Variants in PTPRD observed in about 807,000 individuals in gnomAD.
PTPRD encodes the protein protein tyrosine phosphatase receptor type D.
Under a neutral mutation model 214.5 loss-of-function variants are expected in PTPRD, and 34 were observed. The ratio of observed to expected loss-of-function variants is 0.16; its 90% confidence interval spans 0.12 to 0.21. PTPRD has a LOEUF of 0.21. Among genes scored for constraint, PTPRD ranks in the 10% least tolerant of loss-of-function variants. The pLI is 1.00. For missense variants in PTPRD, 2,545 were observed against 2,398.7 expected (o/e 1.06, Z -1.27); for synonymous variants, 1,128 against 845.7 (o/e 1.33, Z -5.79).
intron 33 of PTPRD, 117 bp downstream of exon 33, chr9:8,460,294 A>C: frequency 8.4e-7 from 1 of 1,196,904 alleles, no homozygotes; most frequent in Non-Finnish European, 1.2e-6. Context: ...AAAATAATTG[A>C]AATGGCACTG....
chr9:9,963,326 CAAT>C (rs1385460612), intron 4 of PTPRD, among the ~76,000 whole-genome samples: 1 of 152,100 alleles, frequency 6.6e-6, no homozygotes, highest in Non-Finnish European at 1.5e-5. Flanking sequence ...ATTTGGCACT[CAAT>C]AGATCCCTGT....
chr9:8,765,252 A>C (rs1235379668), intron 11 of PTPRD, among the ~76,000 whole-genome samples: 1 of 152,226 alleles, frequency 6.6e-6, no homozygotes, highest in Non-Finnish European at 1.5e-5. Context: ...TGTGGGCTAG[A>C]CTTAGTGACT....
chr9:10,512,028 ATG>A lies in PTPRD; in HGVS notation c.-600+100368_-600+100369del, dbSNP rs1437633414. On this transcript the variant is annotated intron_variant, in intron 2 of 45. Coordinates refer to ENST00000381196, the MANE Select transcript of PTPRD (RefSeq NM_002839.4). The stretch of plus-strand genomic sequence containing the variant: ...TATATATACGTGTGTGTATATATAT[ATG>A]TATATATATATATACACACACGTAT... Among the ~76,000 whole-genome samples the A allele has an allele frequency of 2.6e-3, 196 of 74,242 alleles. 1 individual carries two copies. Among genetic ancestry groups the A allele is most frequent in the African/African-American group, 0.012 (178 of 14,336 alleles). 48.7% of individuals were successfully genotyped at this position (74,242 alleles called of 152,430 possible). A position where few individuals can be genotyped will look rare whatever the true frequency, so the allele number is the denominator to read the frequency against.
At chr9:9,942,552 T>C (rs1253628826) in intron 4 of PTPRD, among the ~76,000 whole-genome samples, 1 of 152,136 alleles carries the variant, frequency 6.6e-6, no homozygotes, top group Non-Finnish European at 1.5e-5. Flanking sequence ...TCTGTAACTA[T>C]CAGATATAGT....
chr9:8,479,289 C>T (rs1434986978), intron 30 of PTPRD, among the ~76,000 whole-genome samples: 1 of 152,106 alleles, frequency 6.6e-6, no homozygotes, highest in Non-Finnish European at 1.5e-5. Context: ...TTTCATTTTC[C>T]ATTTCTTTGA....
intron 14 of PTPRD, among the ~76,000 whole-genome samples, chr9:8,548,854 C>G (rs1044547136): frequency 3.3e-5 from 5 of 151,452 alleles, no homozygotes; most frequent in Admixed American, 2.0e-4. Context: ...ACCACCATGC[C>G]CAGCTAATTT....
chr9:10,346,003 C>A (rs1371266313), intron 2 of PTPRD, among the ~76,000 whole-genome samples: 1 of 152,110 alleles, frequency 6.6e-6, no homozygotes, highest in African/African-American at 2.4e-5. Flanking sequence ...TTGCAGTCCT[C>A]TAATAACCAA....
chr9:8,993,014 G>A (rs191336613), intron 11 of PTPRD, among the ~76,000 whole-genome samples: 17 of 152,246 alleles, frequency 1.1e-4, no homozygotes, highest in Admixed American at 2.0e-4. Context: ...TTCCTGAGCC[G>A]TTGGAATTCT....
chr9:8,613,690 T>C (rs1478235124), intron 14 of PTPRD, among the ~76,000 whole-genome samples: 3 of 152,082 alleles, frequency 2.0e-5, no homozygotes, highest in Non-Finnish European at 4.4e-5. Context: ...AATCCAAAAA[T>C]CTGCCACTCG....
intron 3 of PTPRD, among the ~76,000 whole-genome samples, chr9:10,258,662 C>T (rs998826801): frequency 6.6e-6 from 1 of 152,050 alleles, no homozygotes; most frequent in Non-Finnish European, 1.5e-5. Flanking sequence ...TTGGTATTGC[C>T]TATAGAAATA....
chr9:10,503,985 G>A (rs1427604112), intron 2 of PTPRD, among the ~76,000 whole-genome samples: 10 of 150,876 alleles, frequency 6.6e-5, no homozygotes, highest in South Asian at 4.2e-4. Flanking sequence ...GCGTGGTGGC[G>A]GGCGCCTGTA....
intron 8 of PTPRD, among the ~76,000 whole-genome samples, chr9:9,469,663 G>T (rs143258735): frequency 2.0e-4 from 31 of 152,292 alleles, no homozygotes; most frequent in African/African-American, 7.2e-4. Context: ...ATGTGCAGTA[G>T]AGAAAAATAC....
At position 10,225,184 on chromosome 9, in the gene PTPRD, T is replaced by C. The variant is rs1254468476; in HGVS notation, c.-545+115779A>G. Among the ~76,000 whole-genome samples the C allele has an allele frequency of 4.6e-5, 7 of 152,054 alleles. No individual in the cohort carries two copies. The South Asian group carries it at 1.0e-3, about 23-fold the overall frequency. ...ATTATCAAAAGAGATGAATACAGTC[T>C]TATATAAATGAATTTTAGTAGTTTA... On this transcript the variant is annotated intron_variant, in intron 3 of 45. Transcript: ENST00000381196.
intron 5 of PTPRD, among the ~76,000 whole-genome samples, chr9:9,861,498 G>T (rs752510887): frequency 6.6e-6 from 1 of 152,094 alleles, no homozygotes; most frequent in East Asian, 1.9e-4. Flanking sequence ...CACCATGATG[G>T]CCAGGATGGT....
intron 2 of PTPRD, among the ~76,000 whole-genome samples, chr9:10,342,487 G>C (rs963757549): frequency 6.6e-6 from 1 of 151,860 alleles, no homozygotes; most frequent in East Asian, 1.9e-4. Context: ...AATCTTTGTA[G>C]CAATAGAAAA....
intron 4 of PTPRD, among the ~76,000 whole-genome samples, chr9:10,018,430 C>T (rs1291935264): frequency 2.7e-5 from 4 of 149,884 alleles, no homozygotes; most frequent in Admixed American, 1.3e-4. Context: ...TCATGTTTAT[C>T]GTGTGATACA....
chr9:8,501,104 G>A (rs1254520249), intron 23 of PTPRD, 45 bp from the exon 24 acceptor site: 1 of 1,436,386 alleles, frequency 7.0e-7, no homozygotes, highest in Non-Finnish European at 9.5e-7. Flanking sequence ...TGAAAGGACA[G>A]GAGTGGTTGA....
At chr9:9,783,911 GAAGGCAACTGCCA>G (rs1216233630) in intron 5 of PTPRD, among the ~76,000 whole-genome samples, 2 of 149,228 alleles carry the variant, frequency 1.3e-5, no homozygotes. Flanking sequence ...AAGTGATACT[GAAGGCAACTGCCA>G]GAGACTAAAG....
Position 8,949,597 on chromosome 9 carries a change from G to C in PTPRD, c.-104+69100C>G, listed in dbSNP as rs968941193. ...AACGTTTTGCTAATGTGATGTTGAG[G>C]TTACAAATTTAAATACATTGAGGTC... On this transcript the variant is annotated intron_variant, in intron 11 of 45. Transcript: ENST00000381196. Among the ~76,000 whole-genome samples the C allele has an allele frequency of 5.8e-4, 88 of 152,176 alleles. 1 individual carries two copies. Among genetic ancestry groups the C allele is most frequent in the African/African-American group, 2.0e-3 (84 of 41,538 alleles).
Sources: gnomAD v4.1 joint callset for allele counts (sites outside exome capture counted in the v4.1 genomes callset) on GRCh38, gnomAD v4.1.1 for gene constraint, MANE v1.5 for transcripts, NCBI Gene and HGNC (gene_info 2026-07-23, HGNC 2026-07-21) for gene names.